The following ATP10A variants were observed in gnomAD, a reference collection of about 807,000 sequenced individuals.
ATP10A encodes ATPase phospholipid transporting 10A (putative).
Under a neutral mutation model 147.8 loss-of-function variants are expected in ATP10A, and 111 were observed. The ratio of observed to expected loss-of-function variants is 0.75; its 90% confidence interval spans 0.64 to 0.88. The LOEUF (loss-of-function observed/expected upper bound fraction) is 0.88. ATP10A is among the 40% of genes least tolerant of loss of function. The pLI, the probability that ATP10A is intolerant of heterozygous loss-of-function variation, is 0.00. For synonymous variants in ATP10A, 875 were observed against 841.6 expected, an observed-to-expected ratio of 1.04 and a Z score of -0.69; for missense variants, 1,927 against 1,959.0, an observed-to-expected ratio of 0.98 and a Z score of 0.31.
intron 2 of ATP10A, among the ~76,000 whole-genome samples, chr15:25,758,996 C>T (rs931345187): frequency 6.6e-6 from 1 of 152,108 alleles, no homozygotes; most frequent in African/African-American, 2.4e-5. Flanking sequence ...TAAATTAGCC[C>T]ATTGGAAGTA....
chr15:25,848,285 G>T lies in ATP10A; in HGVS notation c.449+14363C>A, dbSNP rs560910024. Among the ~76,000 whole-genome samples the T allele has an allele frequency of 3.9e-5, 6 of 152,140 alleles. No homozygotes were observed. The East Asian group carries it at 9.7e-4, about 25-fold the overall frequency. ...GTGGCTTGAAGTAACACAAATTTGG[G>T]GAGTTTTATTTTATTTATTTCATTT... On this transcript the variant is annotated intron_variant, in intron 1 of 20. Coordinates refer to ENST00000555815, the MANE Select transcript of ATP10A (RefSeq NM_024490.4).
chr15:25,788,657 T>C (rs993790922), intron 1 of ATP10A, among the ~76,000 whole-genome samples: 2 of 152,240 alleles, frequency 1.3e-5, no homozygotes, highest in African/African-American at 4.8e-5. Flanking sequence ...TGTTATATCT[T>C]GTCTTTGATT....
At chr15:25,823,338 C>A (rs1223189324) in intron 1 of ATP10A, among the ~76,000 whole-genome samples, 1 of 152,156 alleles carries the variant, frequency 6.6e-6, no homozygotes, top group African/African-American at 2.4e-5. Context: ...CACACACAAC[C>A]TCATTTAATT....
intron 2 of ATP10A, among the ~76,000 whole-genome samples, chr15:25,773,809 C>T (rs1357578684): frequency 7.7e-6 from 1 of 129,544 alleles, no homozygotes; most frequent in Non-Finnish European, 1.6e-5. Flanking sequence ...AACATACACA[C>T]CTAAACATCC....
intron 1 of ATP10A, among the ~76,000 whole-genome samples, chr15:25,833,103 CT>C (rs1430881604): frequency 6.6e-6 from 1 of 151,498 alleles, no homozygotes; most frequent in Non-Finnish European, 1.5e-5. Flanking sequence ...GTGCCTCAGC[CT>C]CCCAAGTAGC....
chr15:25,731,580 G>A (rs750800644), intron 3 of ATP10A, among the ~76,000 whole-genome samples: 1 of 152,160 alleles, frequency 6.6e-6, no homozygotes, highest in Non-Finnish European at 1.5e-5. Context: ...GTCAGGCTGA[G>A]CCAGGCCTCC....
downstream of ATP10A, among the ~76,000 whole-genome samples, chr15:25,675,276 A>T (rs1373153776): frequency 6.6e-6 from 1 of 152,236 alleles, no homozygotes; most frequent in Non-Finnish European, 1.5e-5. Flanking sequence ...CAGCAGTACC[A>T]TTCTAAGCGT....
At chr15:25,741,177 G>A (rs1887565311) in intron 2 of ATP10A, among the ~76,000 whole-genome samples, 1 of 152,214 alleles carries the variant, frequency 6.6e-6, no homozygotes, top group Non-Finnish European at 1.5e-5. Context: ...TAGACCACAG[G>A]TTCCCTGAGC....
intron 12 of ATP10A, among the ~76,000 whole-genome samples, chr15:25,702,461 G>A (rs1430967756): frequency 6.6e-6 from 1 of 152,236 alleles, no homozygotes; most frequent in African/African-American, 2.4e-5. Context: ...ATGGGAAGGT[G>A]TTGGGAATGA....
chr15:25,825,231 G>T (rs1177044004), intron 1 of ATP10A, among the ~76,000 whole-genome samples: 1 of 152,126 alleles, frequency 6.6e-6, no homozygotes, highest in Admixed American at 6.5e-5. Context: ...CAAATTAGAG[G>T]CAGTTGTTTA....
At chr15:25,805,654 G>T (rs1483715874) in intron 1 of ATP10A, among the ~76,000 whole-genome samples, 1 of 152,118 alleles carries the variant, frequency 6.6e-6, no homozygotes, top group Non-Finnish European at 1.5e-5. Flanking sequence ...TCTTACATGG[G>T]AAGAACATGA....
At position 25,816,904 on chromosome 15, in the gene ATP10A, A is replaced by G. The variant is rs184550193; in HGVS notation, c.450-35681T>C. Among the ~76,000 whole-genome samples the G allele has an allele frequency of 2.5e-3, 382 of 152,262 alleles. 3 individuals carry two copies. Among genetic ancestry groups the G allele is most frequent in the African/African-American group, 8.6e-3 (357 of 41,552 alleles). ...AATCCAATTGTAAAACAAACAAAAA[A>G]AATTCTGTTGTATCTTACACTCTTG... is the stretch of plus-strand genomic sequence containing the variant. On this transcript the variant is annotated intron_variant, in intron 1 of 20. Transcript: ENST00000555815.
intron 12 of ATP10A, among the ~76,000 whole-genome samples, chr15:25,702,369 A>G (rs1198180176): frequency 1.3e-5 from 2 of 152,240 alleles, no homozygotes; most frequent in African/African-American, 2.4e-5. Context: ...TGAGTCACTG[A>G]GCATAATTAT....
downstream of ATP10A, chr15:25,678,092 CCT>C (rs1000786746): frequency 1.3e-5 from 2 of 152,024 alleles, no homozygotes; most frequent in African/African-American, 4.8e-5. Context: ...GTCCAGGCAC[CCT>C]CTCTTGGGAC....
At chr15:25,703,787 A>T (rs1900810445) in intron 12 of ATP10A, among the ~76,000 whole-genome samples, 1 of 152,220 alleles carries the variant, frequency 6.6e-6, no homozygotes, top group Non-Finnish European at 1.5e-5. Flanking sequence ...CCTCAGGGGC[A>T]AGTGGCTGAT....
intron 1 of ATP10A, among the ~76,000 whole-genome samples, chr15:25,805,965 A>T (rs1452902143): frequency 2.0e-5 from 3 of 152,236 alleles, no homozygotes; most frequent in African/African-American, 7.2e-5. Context: ...GAAGAAACAG[A>T]AAACTGCCAA....
chr15:25,850,186 C>T (rs1019422368), intron 1 of ATP10A, among the ~76,000 whole-genome samples: 1 of 152,166 alleles, frequency 6.6e-6, no homozygotes, highest in Non-Finnish European at 1.5e-5. Context: ...GAAAATATCG[C>T]TTTGACTTAT....
At chr15:25,819,672 A>C (rs1891800662) in intron 1 of ATP10A, among the ~76,000 whole-genome samples, 1 of 152,216 alleles carries the variant, frequency 6.6e-6, no homozygotes, top group South Asian at 2.1e-4. Context: ...ATGTGGAATC[A>C]ACCTAAGTGT....
intron 2 of ATP10A, among the ~76,000 whole-genome samples, chr15:25,777,760 T>C: frequency 6.9e-6 from 1 of 145,976 alleles, no homozygotes; most frequent in East Asian, 2.1e-4. Flanking sequence ...CCACGATATC[T>C]GGCAATTTTT....
Sources: gnomAD v4.1 joint callset for allele counts (sites outside exome capture counted in the v4.1 genomes callset) on GRCh38, gnomAD v4.1.1 for gene constraint, MANE v1.5 for transcripts, NCBI Gene and HGNC (gene_info 2026-07-23, HGNC 2026-07-21) for gene names.